The following SUCLG2 variants were observed in gnomAD, a reference collection of about 807,000 sequenced individuals.
The protein encoded by SUCLG2 is succinate--CoA ligase [GDP-forming] subunit beta, mitochondrial.
Under a neutral mutation model 47.9 loss-of-function variants are expected in SUCLG2, and 42 were observed. That is an observed-to-expected ratio of 0.88 (90% CI 0.69 to 1.14). SUCLG2 has a LOEUF of 1.14. SUCLG2 is among the 50% of genes most tolerant of loss of function. The pLI is 0.00. For missense variants in SUCLG2, 571 were observed against 525.9 expected (o/e 1.09, Z -0.84); for synonymous variants, 195 against 197.3 (o/e 0.99, Z 0.10).
At chr3:67,453,720 G>A (rs1704112233) in intron 9 of SUCLG2, among the ~76,000 whole-genome samples, 1 of 152,134 alleles carries the variant, frequency 6.6e-6, no homozygotes, top group South Asian at 2.1e-4. Flanking sequence ...TCAAGTAGTG[G>A]GAAACTCTTG....
chr3:67,402,927 A>T (rs564504073), intron 9 of SUCLG2, among the ~76,000 whole-genome samples: 1 of 152,294 alleles, frequency 6.6e-6, no homozygotes, highest in South Asian at 2.1e-4. Context: ...AACAGGCAGG[A>T]GTGAGGGATA....
chr3:67,504,369 C>T (rs373528099), intron 7 of SUCLG2, among the ~76,000 whole-genome samples: 19 of 152,146 alleles, frequency 1.2e-4, no homozygotes, highest in East Asian at 7.7e-4. Flanking sequence ...CAAGAAGCAA[C>T]GGGGTGGTTA....
intron 2 of SUCLG2, among the ~76,000 whole-genome samples, chr3:67,565,562 C>A (rs1409219872): frequency 6.6e-6 from 1 of 152,228 alleles, no homozygotes; most frequent in Non-Finnish European, 1.5e-5. Context: ...TCATTGCCAA[C>A]AGCATGAGAT....
intron 1 of SUCLG2, among the ~76,000 whole-genome samples, chr3:67,643,619 T>TG (rs1701141403): frequency 6.6e-6 from 1 of 152,212 alleles, no homozygotes; most frequent in African/African-American, 2.4e-5. Context: ...CCCAGAGGGC[T>TG]GGGGTGCTCT....
intron 2 of SUCLG2, among the ~76,000 whole-genome samples, chr3:67,586,737 G>C (rs1202059500): frequency 6.6e-6 from 1 of 152,154 alleles, no homozygotes; most frequent in African/African-American, 2.4e-5. Context: ...ACACAGACTG[G>C]GACAGGTGGA....
In SUCLG2 at chr3:67,520,551, C is replaced by G. The variant is rs532176150; in HGVS notation, c.501G>C (p.Leu167=). The G allele has an allele frequency of 5.0e-6, 8 of 1,614,082 alleles. No individual in the cohort carries two copies. Among genetic ancestry groups the G allele is most frequent in the Non-Finnish European group, 5.9e-6 (7 of 1,180,024 alleles). Reference sequence around the variant, plus strand: ...CGACGCCCCCCTGGGGGCTGCCCACCAGCACGGGGCCATTGCAGGACCGGT... The same window carrying G: ...CGACGCCCCCCTGGGGGCTGCCCACGAGCACGGGGCCATTGCAGGACCGGT... ...LMDRSCNGPV[L]VGSPQGGVDI... The change falls in exon 5 of 11, where the codon CTG becomes CTC. Residue 167 remains leucine (L), a synonymous_variant. Transcript: ENST00000307227.
At chr3:67,550,595 C>T (rs1706986589) in intron 2 of SUCLG2, among the ~76,000 whole-genome samples, 1 of 152,162 alleles carries the variant, frequency 6.6e-6, no homozygotes, top group South Asian at 2.1e-4. Context: ...CTCCCAAGTG[C>T]TGGGGTTATA....
intron 2 of SUCLG2, among the ~76,000 whole-genome samples, chr3:67,606,539 G>A (rs1363010885): frequency 6.6e-6 from 1 of 152,096 alleles, no homozygotes; most frequent in Non-Finnish European, 1.5e-5. Context: ...CAAACCACAA[G>A]AGTATAAAAC....
At chr3:67,529,972 C>CCAAAA (rs1254617999) in intron 2 of SUCLG2, among the ~76,000 whole-genome samples, 6 of 152,156 alleles carry the variant, frequency 3.9e-5, no homozygotes, top group Middle Eastern at 3.2e-3. Flanking sequence ...TCCCCAACCA[C>CCAAAA]CAAAACAAAA....
chr3:67,451,706 T>C (rs1704060753), intron 9 of SUCLG2, among the ~76,000 whole-genome samples: 1 of 152,206 alleles, frequency 6.6e-6, no homozygotes, highest in Non-Finnish European at 1.5e-5. Context: ...TGGAGTTAAT[T>C]TTAAAAGATG....
chr3:67,615,695 T>G (rs1700615795), intron 1 of SUCLG2, among the ~76,000 whole-genome samples: 2 of 149,956 alleles, frequency 1.3e-5, no homozygotes, highest in Admixed American at 6.7e-5. Flanking sequence ...GAAATGCACT[T>G]TCTCAGATAC....
intron 2 of SUCLG2, among the ~76,000 whole-genome samples, chr3:67,552,170 C>G (rs1309996428): frequency 7.0e-5 from 7 of 100,224 alleles, no homozygotes; most frequent in African/African-American, 3.4e-4. Context: ...AAAACTCCAT[C>G]TCAAAAAAAA....
chr3:67,482,326 T>C (rs1347715458), intron 9 of SUCLG2, among the ~76,000 whole-genome samples: 1 of 152,236 alleles, frequency 6.6e-6, no homozygotes, highest in Non-Finnish European at 1.5e-5. Flanking sequence ...CTTTCCGTCC[T>C]ATACCTTATT....
chr3:67,394,875 C>G (rs1188480381), intron 10 of SUCLG2, among the ~76,000 whole-genome samples: 5 of 152,128 alleles, frequency 3.3e-5, no homozygotes, highest in Middle Eastern at 3.4e-3. Context: ...ATTCAACATT[C>G]TTAAAGAAAA....
chr3:67,498,237 G>C lies in SUCLG2; in HGVS notation c.816C>G (p.Asp272Glu). 6.2e-7 allele frequency: 1 copy of C among 1,613,846 alleles called. No individual in the cohort carries two copies. Among genetic ancestry groups the C allele is most frequent in the Non-Finnish European group, 8.5e-7 (1 of 1,179,846 alleles). ...FDDNAEFRQKDIFAMDDKSEN... is the reference protein window; with the variant it reads ...FDDNAEFRQKEIFAMDDKSEN... ...CTGATTTGTCGTCCATAGCAAATAT[G>C]TCTTTTTGTCGGAATTCTGCGTTGT... Residue 272 changes from aspartate (D) to glutamate (E), a missense_variant, in exon 8 of 11, where the codon GAC (aspartate) becomes GAG (glutamate). Coordinates refer to ENST00000307227, the MANE Select transcript of SUCLG2 (RefSeq NM_003848.4).
intron 10 of SUCLG2, among the ~76,000 whole-genome samples, chr3:67,380,693 G>C (rs1459507794): frequency 1.4e-5 from 1 of 73,392 alleles, no homozygotes. Flanking sequence ...GGGGTAGAGA[G>C]AGAGAGAGGG....
chr3:67,520,648 G>A lies in SUCLG2; in HGVS notation c.418-14C>T. The A allele has an allele frequency of 6.3e-7, 1 of 1,595,096 alleles. No individual in the cohort carries two copies. Among genetic ancestry groups the A allele is most frequent in the Non-Finnish European group, 8.5e-7 (1 of 1,173,654 alleles). On this transcript the variant is annotated splice_polypyrimidine_tract_variant and intron_variant, in intron 4 of 10. Transcript: ENST00000307227. The stretch of plus-strand genomic sequence containing the variant: ...AGCAACCATCACCTACCACATTAGT[G>A]GGAAAGTCAAATTAATTCAGCATTA...
intron 2 of SUCLG2, among the ~76,000 whole-genome samples, chr3:67,585,673 C>T (rs1707995901): frequency 6.6e-6 from 1 of 152,064 alleles, no homozygotes; most frequent in African/African-American, 2.4e-5. Context: ...ACCAAGAGTA[C>T]TGCTTTAGGC....
intron 9 of SUCLG2, among the ~76,000 whole-genome samples, chr3:67,470,841 A>G (rs1168051677): frequency 6.6e-6 from 1 of 152,208 alleles, no homozygotes; most frequent in Admixed American, 6.5e-5. Context: ...AGTTGCCACC[A>G]CTTAGATAGA....
Sources: gnomAD v4.1 joint callset for allele counts (sites outside exome capture counted in the v4.1 genomes callset) on GRCh38, gnomAD v4.1.1 for gene constraint, MANE v1.5 for transcripts, NCBI Gene and HGNC (gene_info 2026-07-23, HGNC 2026-07-21) for gene names.